CATSPER4: variants seen among roughly 807,000 people sequenced by gnomAD.
The protein encoded by CATSPER4 is cation channel sperm associated 4, also known as cation channel sperm-associated protein 4.
Under a neutral mutation model 54.4 loss-of-function variants are expected in CATSPER4, and 46 were observed. The ratio of observed to expected loss-of-function variants is 0.84; its 90% CI spans 0.67 to 1.08. CATSPER4 has a LOEUF of 1.08. Ranked by LOEUF, CATSPER4 falls within the 50% of genes least tolerant of loss-of-function variation. The probability of loss-of-function intolerance (pLI) is 0.00; values close to 1 mark genes in which losing one functional copy is unlikely to be tolerated. For missense variants in CATSPER4, 574 were observed against 612.8 expected (o/e 0.94, Z 0.67); for synonymous variants, 230 against 231.9 (o/e 0.99, Z 0.08).
At chr1:26,191,239 G>T (rs1260710419) in intron 1 of CATSPER4, 48 bp from the exon 2 acceptor site, 1 of 1,610,764 alleles carries the variant, frequency 6.2e-7, no homozygotes, top group South Asian at 1.1e-5. Flanking sequence ...CCAGGCAGAG[G>T]CTTCCTATGG....
rs149612149 is a variant in CATSPER4, at chr1:26,190,725, G to A, written c.98G>A (p.Gly33Glu). 1.5e-4 allele frequency: 241 copies of A among 1,613,504 alleles called. 1 individual carries two copies. The African/African-American group carries it at 2.7e-3, about 18-fold the overall frequency. The change falls in exon 1 of 10, where the codon GGG becomes GAG. Residue 33 changes from glycine (G) to glutamate (E), a missense_variant. Physicochemically the swap from Gly to Glu is moderately conservative, Grantham distance 98. Coordinates refer to ENST00000456354, the MANE Select transcript of CATSPER4 (RefSeq NM_198137.2). Reference protein sequence around the residue: ...GTQEDRMGFGGAVAALRGRPS... With the variant: ...GTQEDRMGFGEAVAALRGRPS... ...CAGGAGGACCGTATGGGGTTTGGAG[G>A]GGCAGTAGCTGCACTGAGGGGCCGC...
At chr1:26,196,610 C>G (rs2088941934) in intron 3 of CATSPER4, among the ~76,000 whole-genome samples, 1 of 151,712 alleles carries the variant, frequency 6.6e-6, no homozygotes, top group African/African-American at 2.4e-5. Context: ...AGGGTTTCAC[C>G]ATGTTGCCCA....
chr1:26,193,452 A>G (rs1176099591), intron 2 of CATSPER4, among the ~76,000 whole-genome samples: 2 of 152,164 alleles, frequency 1.3e-5, no homozygotes, highest in Admixed American at 6.5e-5. Context: ...TCCCTATTCT[A>G]GAAGTTAGGG....
At chr1:26,194,664 G>A (rs1207221929) in intron 3 of CATSPER4, among the ~76,000 whole-genome samples, 1 of 152,196 alleles carries the variant, frequency 6.6e-6, no homozygotes, top group African/African-American at 2.4e-5. Context: ...ATTGATATAT[G>A]GATGGATCTG....
At chr1:26,192,383 A>C (rs370589564) in intron 2 of CATSPER4, among the ~76,000 whole-genome samples, 30 of 152,130 alleles carry the variant, frequency 2.0e-4, no homozygotes, top group African/African-American at 6.7e-4. Context: ...TGAGGTCAGG[A>C]GTTCAAGACC....
intron 3 of CATSPER4, among the ~76,000 whole-genome samples, chr1:26,196,321 C>G (rs1216178282): frequency 6.6e-6 from 1 of 150,668 alleles, no homozygotes; most frequent in Non-Finnish European, 1.5e-5. Flanking sequence ...ACATAGTATT[C>G]CATTGATTTA....
At chr1:26,196,704 C>T (rs996671500) in intron 3 of CATSPER4, among the ~76,000 whole-genome samples, 2 of 152,040 alleles carry the variant, frequency 1.3e-5, no homozygotes, top group Non-Finnish European at 2.9e-5. Flanking sequence ...CACCACTGCA[C>T]CTGGCATGTT....
At chr1:26,198,233 C>T in intron 5 of CATSPER4, 53 bp from the exon 6 acceptor site, 9 of 1,614,096 alleles carry the variant, frequency 5.6e-6, no homozygotes, top group Non-Finnish European at 7.6e-6. Context: ...TTTGTGTGTC[C>T]TATTTCCAGG....
Position 26,197,689 on chromosome 1 carries a change from G to A in CATSPER4, c.463G>A (p.Gly155Ser), listed in dbSNP as rs375444620. Residue 155 changes from glycine to serine, a missense_variant, in exon 4 of 10, where the codon GGC (glycine) becomes AGC (serine). Coordinates refer to ENST00000456354, the MANE Select transcript of CATSPER4 (RefSeq NM_198137.2). ...CTGGGGCTGGCCCACTCCCCAGGAC[G>A]GCTGGAACATCCTCAACTTCATTAT... The part of the protein sequence containing the change: ...LNGFWIFWKD[G>S]WNILNFIIVF... 303 of 1,612,690 alleles carry A rather than the reference G, an allele frequency of 1.9e-4. 1 individual carries two copies. In the South Asian group the frequency reaches 2.4e-3, roughly 13 times the overall value.
chr1:26,199,374 G>A (rs2088979714), intron 6 of CATSPER4, among the ~76,000 whole-genome samples: 1 of 151,356 alleles, frequency 6.6e-6, no homozygotes. Context: ...GGAGGTTGCG[G>A]TGAACCCATA....
chr1:26,195,625 C>T (rs2088928934), intron 3 of CATSPER4, among the ~76,000 whole-genome samples: 1 of 152,064 alleles, frequency 6.6e-6, no homozygotes, highest in African/African-American at 2.4e-5. Flanking sequence ...CCTCAGCCTC[C>T]CGAGTAGCTG....
At position 26,202,564 on chromosome 1, in the gene CATSPER4, G is replaced by A. The variant is rs2089019684; in HGVS notation, c.*22G>A. Reference sequence around the variant, plus strand: ...CTGAGAGGCCAGGATGGGAGCCAAGGGGCCTGCACACACACACCCAGCCGC... The same window carrying A: ...CTGAGAGGCCAGGATGGGAGCCAAGAGGCCTGCACACACACACCCAGCCGC... On this transcript the variant is annotated 3_prime_UTR_variant, in exon 10 of 10. Transcript: ENST00000456354. 6.2e-7 allele frequency: 1 copy of A among 1,605,006 alleles called. No individual in the cohort carries two copies. The highest frequency in any genetic ancestry group is 8.5e-7 in the Non-Finnish European group (1 of 1,174,576).
Position 26,197,680 on chromosome 1 carries a change from C to T in CATSPER4, c.460-6C>T, listed in dbSNP as rs980476967. On this transcript the variant is annotated splice_region_variant and splice_polypyrimidine_tract_variant and intron_variant, in intron 3 of 9. Transcript: ENST00000456354. ...CAGACCCCACTGGGGCTGGCCCACT[C>T]CCCAGGACGGCTGGAACATCCTCAA... 4 of 1,611,188 alleles carry T rather than the reference C, an allele frequency of 2.5e-6. No individual in the cohort carries two copies. In the East Asian group the frequency reaches 6.7e-5, roughly 27 times the overall value.
intron 1 of CATSPER4, 141 bp downstream of exon 1, chr1:26,190,981 T>C (rs908684211): frequency 4.0e-5 from 32 of 807,986 alleles, no homozygotes; most frequent in Non-Finnish European, 6.3e-5. Context: ...TGACTGCCCA[T>C]GATATGTTAG....
Position 26,200,069 on chromosome 1 carries a change from T to A in CATSPER4, c.987+11T>A. ...ATAACCTTTAGTGAGGTGCGTGGGATGGGGAGGGCAGAAGGGAGGAAAAGG... is the reference window on the plus strand; with the variant it reads ...ATAACCTTTAGTGAGGTGCGTGGGAAGGGGAGGGCAGAAGGGAGGAAAAGG... On this transcript the variant is annotated intron_variant, in intron 7 of 9. Transcript: ENST00000456354. 1 of 1,611,298 alleles carries A rather than the reference T, an allele frequency of 6.2e-7. No homozygotes were observed. The highest frequency in any genetic ancestry group is 1.7e-5 in the Admixed American group (1 of 59,574).
intron 3 of CATSPER4, among the ~76,000 whole-genome samples, chr1:26,195,797 C>T (rs530116906): frequency 4.2e-4 from 64 of 152,084 alleles, no homozygotes; most frequent in South Asian, 6.2e-4. Flanking sequence ...CCACCGCGCC[C>T]GGCCTATGCC....
At chr1:26,195,506 C>CTTTTTCTT (rs1553155166) in intron 3 of CATSPER4, among the ~76,000 whole-genome samples, 1 of 142,210 alleles carries the variant, frequency 7.0e-6, no homozygotes, top group Non-Finnish European at 1.5e-5. Context: ...TTTTCTTTTT[C>CTTTTTCTT]TTTTTTTTTT....
In CATSPER4 at chr1:26,201,271, C is replaced by T. The variant is rs2089004282; in HGVS notation, c.1200-83C>T. On this transcript the variant is annotated intron_variant, in intron 8 of 9. Transcript: ENST00000456354. ...GTCAGGGCTGCGTGGGAGAGCGAAG[C>T]GGGGGTGACGCCAGGGAAGAGGTGG... 6 of 1,447,508 alleles carry T rather than the reference C, an allele frequency of 4.1e-6. No homozygotes were observed. The South Asian group carries it at 4.7e-5, about 11-fold the overall frequency. 89.7% of individuals were successfully genotyped at this position (1,447,508 alleles called of 1,614,324 possible).
At position 26,199,865 on chromosome 1, in the gene CATSPER4, C is replaced by A; in HGVS notation, c.813-19C>A. On this transcript the variant is annotated intron_variant, in intron 6 of 9. Transcript: ENST00000456354. ...TGAAGGGCCAGGGAAATGATGGGGC[C>A]CCTGCCTGCCATCTGCAGGACAGAG... The A allele has an allele frequency of 6.2e-7, 1 of 1,612,980 alleles. No homozygotes were observed. Among genetic ancestry groups the A allele is most frequent in the Non-Finnish European group, 8.5e-7 (1 of 1,179,468 alleles).
Sources: allele counts gnomAD v4.1 joint callset (sites outside exome capture counted in the v4.1 genomes callset), GRCh38; gene constraint gnomAD v4.1.1; transcripts MANE v1.5; gene names NCBI Gene and HGNC (gene_info 2026-07-23, HGNC 2026-07-21).